The following UVRAG variants were observed in gnomAD, a reference collection of about 807,000 sequenced individuals.
UVRAG encodes the protein UV radiation resistance associated.
A neutral mutation model predicts 78.0 loss-of-function variants in UVRAG; 19 were observed. The ratio of observed to expected loss-of-function variants is 0.24; its 90% CI spans 0.17 to 0.36. The LOEUF (loss-of-function observed/expected upper bound fraction) is 0.36. Among genes scored for constraint, UVRAG ranks in the 10% least tolerant of loss-of-function variants. The probability of loss-of-function intolerance (pLI) is 1.00; values close to 1 mark genes in which losing one functional copy is unlikely to be tolerated. For missense variants in UVRAG, 740 were observed against 853.8 expected, an observed-to-expected ratio of 0.87 and a Z score of 1.66; for synonymous variants, 323 against 324.6, an observed-to-expected ratio of 1.00 and a Z score of 0.05.
chr11:75,937,633 CT>C (rs1360560787), intron 6 of UVRAG, among the ~76,000 whole-genome samples: 2 of 152,022 alleles, frequency 1.3e-5, no homozygotes, highest in Non-Finnish European at 2.9e-5. Context: ...GTATCCTCTC[CT>C]TTATGTAGTG....
chr11:75,995,072 A>G (rs1204564566), intron 8 of UVRAG, among the ~76,000 whole-genome samples: 2 of 152,120 alleles, frequency 1.3e-5, no homozygotes, highest in Non-Finnish European at 1.5e-5. Flanking sequence ...GAAAGGTAGG[A>G]CTGGTGGAAA....
At chr11:75,890,145 C>CTTTTAAA (rs1272333367) in intron 5 of UVRAG, among the ~76,000 whole-genome samples, 1 of 152,124 alleles carries the variant, frequency 6.6e-6, no homozygotes, top group Non-Finnish European at 1.5e-5. Flanking sequence ...GGCCACAGCA[C>CTTTTAAA]GCAGAACTTT....
intron 13 of UVRAG, among the ~76,000 whole-genome samples, chr11:76,066,313 C>A (rs1951184257): frequency 6.6e-6 from 1 of 152,098 alleles, no homozygotes; most frequent in Admixed American, 6.5e-5. Context: ...TAAATAATGT[C>A]TTTCCGTATG....
chr11:75,908,375 T>C (rs1318766732), intron 5 of UVRAG, among the ~76,000 whole-genome samples: 1 of 152,260 alleles, frequency 6.6e-6, no homozygotes, highest in Non-Finnish European at 1.5e-5. Flanking sequence ...AATGCTGCTA[T>C]GAATATGGAT....
chr11:75,930,936 T>TTTCTTTCTTTCTTTCC (rs1948221993), intron 6 of UVRAG: 1 of 131,764 alleles, frequency 7.6e-6, no homozygotes, highest in Non-Finnish European at 1.6e-5. Context: ...ATTTTCTTTC[T>TTTCTTTCTTTCTTTCC]TTCTTTCTTT....
At chr11:75,909,773 A>G (rs542519878) in intron 5 of UVRAG, among the ~76,000 whole-genome samples, 1 of 152,268 alleles carries the variant, frequency 6.6e-6, no homozygotes, top group East Asian at 1.9e-4. Context: ...TTTAATCTTT[A>G]TAATGTATTG....
intron 6 of UVRAG, among the ~76,000 whole-genome samples, chr11:75,923,370 A>G (rs1948020508): frequency 6.6e-6 from 1 of 152,194 alleles, no homozygotes; most frequent in African/African-American, 2.4e-5. Flanking sequence ...GGGGGGAGGT[A>G]TAAATTACCG....
chr11:76,095,045 C>T (rs2060999405), intron 13 of UVRAG, among the ~76,000 whole-genome samples: 1 of 152,114 alleles, frequency 6.6e-6, no homozygotes, highest in Non-Finnish European at 1.5e-5. Flanking sequence ...TTCACTTAAT[C>T]ACCTTGTTTT....
At chr11:76,021,316 C>G (rs2135380265) in intron 12 of UVRAG, among the ~76,000 whole-genome samples, 1 of 152,256 alleles carries the variant, frequency 6.6e-6, no homozygotes, top group South Asian at 2.1e-4. Context: ...TTGCTTCACC[C>G]TCCTCATGGT....
chr11:75,919,734 T>A (rs928453024), intron 6 of UVRAG, among the ~76,000 whole-genome samples: 1 of 152,182 alleles, frequency 6.6e-6, no homozygotes. Flanking sequence ...GTGCACTGTC[T>A]TAGTTTTTAA....
chr11:75,855,599 T>C (rs1423017003), intron 2 of UVRAG, among the ~76,000 whole-genome samples: 2 of 152,224 alleles, frequency 1.3e-5, no homozygotes, highest in African/African-American at 2.4e-5. Context: ...AACGTGAATA[T>C]TTGATGATCA....
chr11:75,983,734 A>C (rs1288478933), intron 8 of UVRAG: 1 of 479,280 alleles, frequency 2.1e-6, no homozygotes, highest in African/African-American at 2.0e-5. Flanking sequence ...ACTACTACAC[A>C]CCTAGGCTAT....
chr11:75,987,815 C>T (rs528605872), intron 8 of UVRAG, among the ~76,000 whole-genome samples: 11 of 151,824 alleles, frequency 7.2e-5, no homozygotes, highest in Non-Finnish European at 1.5e-4. Context: ...CGGCTCACTG[C>T]ACCCCTCTGC....
At chr11:76,134,800 G>A (rs1353281865) in intron 14 of UVRAG, among the ~76,000 whole-genome samples, 1 of 152,174 alleles carries the variant, frequency 6.6e-6, no homozygotes, top group Non-Finnish European at 1.5e-5. Context: ...ACTTACTGTA[G>A]TCGATCTATT....
intron 13 of UVRAG, among the ~76,000 whole-genome samples, chr11:76,088,340 T>C (rs1397457172): frequency 6.6e-6 from 1 of 152,168 alleles, no homozygotes; most frequent in Non-Finnish European, 1.5e-5. Flanking sequence ...GTAAGCACTT[T>C]TATAATGAGA....
intron 13 of UVRAG, among the ~76,000 whole-genome samples, chr11:76,112,735 T>C (rs1952099631): frequency 6.6e-6 from 1 of 151,600 alleles, no homozygotes; most frequent in African/African-American, 2.4e-5. Flanking sequence ...CTTTTCTTTT[T>C]TTTTTTTTGA....
chr11:76,033,208 AC>A (rs1357077458), intron 12 of UVRAG, among the ~76,000 whole-genome samples: 2 of 152,184 alleles, frequency 1.3e-5, no homozygotes, highest in African/African-American at 4.8e-5. Flanking sequence ...CATCAGATAC[AC>A]CTTGAACCAG....
chr11:75,925,411 C>T (rs975491382), intron 6 of UVRAG, among the ~76,000 whole-genome samples: 6 of 152,154 alleles, frequency 3.9e-5, no homozygotes, highest in African/African-American at 1.2e-4. Context: ...GGATGTTTCA[C>T]CTTGGAAGAG....
chr11:76,143,069 C>T lies in UVRAG; in HGVS notation c.*1656C>T, dbSNP rs1234011739. The T allele has an allele frequency of 6.6e-6, 1 of 152,216 alleles. No homozygotes were observed. Among genetic ancestry groups the T allele is most frequent in the African/African-American group, 2.4e-5 (1 of 41,436 alleles). The allele number at this position is 152,216 out of a possible 1,614,324, so 9.4% of individuals were successfully genotyped here. On this transcript the variant is annotated 3_prime_UTR_variant, in exon 15 of 15. Transcript: ENST00000356136. ...AGAAGTGGGGCTCCTTCACCTAGAG[C>T]AGGAGCTTCTCTGCAGTGTACTGTC...
Sources: gnomAD v4.1 joint callset for allele counts (sites outside exome capture counted in the v4.1 genomes callset) on GRCh38, gnomAD v4.1.1 for gene constraint, MANE v1.5 for transcripts, NCBI Gene and HGNC (gene_info 2026-07-23, HGNC 2026-07-21) for gene names.